The following AVEN variants were observed in gnomAD, a reference collection of about 807,000 sequenced individuals.
The protein encoded by AVEN is apoptosis and caspase activation inhibitor.
A neutral mutation model predicts 38.1 loss-of-function variants in AVEN; 41 were observed. That is an observed-to-expected ratio of 1.08 (90% CI 0.84 to 1.40). The LOEUF (loss-of-function observed/expected upper bound fraction) is 1.40. Ranked by LOEUF, AVEN falls within the 40% of genes most tolerant of loss-of-function variation. The probability of loss-of-function intolerance (pLI) is 0.00; values close to 1 mark genes in which losing one functional copy is unlikely to be tolerated. For synonymous variants in AVEN, 206 were observed against 171.8 expected, an observed-to-expected ratio of 1.20 and a Z score of -1.56; for missense variants, 605 against 438.8, an observed-to-expected ratio of 1.38 and a Z score of -3.38.
chr15:33,865,758 G>A (rs1890305967), downstream of AVEN: 1 of 153,460 alleles, frequency 6.5e-6, no homozygotes, highest in South Asian at 2.1e-4. Context: ...TGTCGACACT[G>A]AAATATCGAT....
chr15:33,889,670 T>C (rs963729258), intron 2 of AVEN, among the ~76,000 whole-genome samples: 1 of 152,236 alleles, frequency 6.6e-6, no homozygotes, highest in African/African-American at 2.4e-5. Context: ...AAAAACAGTA[T>C]TCTACAGAGC....
At chr15:33,897,648 C>T (rs1175891202) in intron 2 of AVEN, among the ~76,000 whole-genome samples, 7 of 150,762 alleles carry the variant, frequency 4.6e-5, no homozygotes, top group Non-Finnish European at 7.4e-5. Flanking sequence ...GAGGCTGAGG[C>T]AGGAGGATTG....
In AVEN at chr15:33,921,061, CT is replaced by C. The variant is rs1893378075; in HGVS notation, c.446-45067del. On this transcript the variant is annotated intron_variant, in intron 2 of 5. Transcript: ENST00000306730. ...AAAGTGCTGGGATTACTGGCGTGAG[CT>C]ACCGCACCTGGCCCTTCCTCGTGTT... Among the ~76,000 whole-genome samples, 3 of 152,218 alleles carry C rather than the reference CT, an allele frequency of 2.0e-5. No individual in the cohort carries two copies. The South Asian group carries it at 6.2e-4, about 32-fold the overall frequency.
intron 2 of AVEN, among the ~76,000 whole-genome samples, chr15:33,958,113 C>G (rs1895025042): frequency 6.6e-6 from 1 of 152,160 alleles, no homozygotes; most frequent in African/African-American, 2.4e-5. Context: ...CATAAATTGT[C>G]AAAGCTTATC....
chr15:33,997,601 C>T (rs1010945240), intron 2 of AVEN, among the ~76,000 whole-genome samples: 2 of 152,190 alleles, frequency 1.3e-5, no homozygotes, highest in African/African-American at 4.8e-5. Context: ...CTCCAACTCA[C>T]ACTTTCTCAA....
At chr15:34,053,317 A>ATATATACATATATATATAT (rs1294635851) in intron 5 of AVEN, among the ~76,000 whole-genome samples, 1 of 73,814 alleles carries the variant, frequency 1.4e-5, no homozygotes, top group African/African-American at 5.1e-5. Flanking sequence ...AAAAAAAAAA[A>ATATATACATATATATATAT]AAATATATAT....
chr15:34,063,940 C>T lies in AVEN; in HGVS notation n.1127-508G>A, dbSNP rs2140848745. 8 of 1,614,186 alleles carry T rather than the reference C, an allele frequency of 5.0e-6. No individual in the cohort carries two copies. In the African/African-American group the frequency reaches 5.3e-5, roughly 11 times the overall value. On this transcript the variant is annotated intron_variant and non_coding_transcript_variant, in intron 4 of 11. Coordinates refer to the AVEN transcript ENST00000675287. The surrounding 1 kb of genome is among the most constrained non-coding windows in gnomAD (Gnocchi z 4.1). ...GTGAAAATCATGCCCTGCCCCTTCCCAGTGGCCAAGGAACCTTCAACGAAA... is the reference window on the plus strand; with the variant it reads ...GTGAAAATCATGCCCTGCCCCTTCCTAGTGGCCAAGGAACCTTCAACGAAA...
intron 2 of AVEN, among the ~76,000 whole-genome samples, chr15:33,897,656 T>C (rs1188667039): frequency 6.6e-6 from 1 of 151,984 alleles, no homozygotes; most frequent in Non-Finnish European, 1.5e-5. Flanking sequence ...GGCAGGAGGA[T>C]TGCTTGAGGC....
At chr15:34,005,972 T>C (rs1415122096) in intron 1 of AVEN, among the ~76,000 whole-genome samples, 10 of 152,158 alleles carry the variant, frequency 6.6e-5, no homozygotes, top group African/African-American at 2.4e-4. Flanking sequence ...TAAAGAGATA[T>C]AATAGAATCT....
rs776839752 is a variant in AVEN at position 33,982,363 on chromosome 15, G to A, written c.445+20669C>T. 4.2e-4 allele frequency among the ~76,000 whole-genome samples: 64 copies of A among 151,674 alleles called. 2 individuals carry two copies. The highest frequency in any genetic ancestry group is 7.1e-4 in the Non-Finnish European group (48 of 67,962). On this transcript the variant is annotated intron_variant, in intron 2 of 5. Transcript: ENST00000306730. ...CTCTCCCATCCCAATCCAAACCCTA[G>A]TAATGACCCCAAGAATTACCAAATG... is the stretch of plus-strand genomic sequence containing the variant.
chr15:33,866,646 C>A lies in AVEN; in HGVS notation c.1056G>T (p.Glu352Asp). Residue 352 changes from glutamate to aspartate, a missense_variant, in exon 6 of 6, where the codon GAG (glutamate) becomes GAT (aspartate). Glu to Asp is a conservative substitution (Grantham distance 45). Coordinates refer to ENST00000306730, the MANE Select transcript of AVEN (RefSeq NM_020371.3). ...TCATGCTGTCCAACCAGTCTTCCAG[C>A]TCTTCCTCGGTAACATTTTTGGAGG... ...PSTSKNVTEE[E>D]LEDWLDSMIS 1 of 1,614,020 alleles carries A rather than the reference C, an allele frequency of 6.2e-7. No individual in the cohort carries two copies. Among genetic ancestry groups the A allele is most frequent in the Non-Finnish European group, 8.5e-7 (1 of 1,179,898 alleles).
rs148016052 is a variant in AVEN, at chr15:33,860,673, A to G, written n.2730-1579T>C. 1,134 of 1,549,526 alleles carry G rather than the reference A, an allele frequency of 7.3e-4. 14 individuals carry two copies. In the African/African-American group the frequency reaches 0.015, roughly 20 times the overall value. On this transcript the variant is annotated intron_variant and non_coding_transcript_variant, in intron 11 of 11. Transcript: ENST00000675287. ...GAAGATATGGAGGTAATGTTACTCT[A>G]ACTACTAATCCCAGCTCTATTTTAA...
intron 2 of AVEN, among the ~76,000 whole-genome samples, chr15:33,999,761 T>C (rs904218523): frequency 1.3e-5 from 2 of 152,162 alleles, no homozygotes; most frequent in African/African-American, 4.8e-5. Context: ...CTGCTACTAG[T>C]AGTAGCAGTG....
intron 2 of AVEN, among the ~76,000 whole-genome samples, chr15:34,001,771 A>G (rs1897147123): frequency 6.6e-6 from 1 of 152,200 alleles, no homozygotes; most frequent in African/African-American, 2.4e-5. Flanking sequence ...TGCTCGGAAA[A>G]GCACATTCTA....
chr15:33,918,220 T>A (rs949403016), intron 2 of AVEN, among the ~76,000 whole-genome samples: 2 of 152,160 alleles, frequency 1.3e-5, no homozygotes, highest in African/African-American at 4.8e-5. Context: ...GCAAGTGCTA[T>A]TGGCAGGACT....
intron 2 of AVEN, among the ~76,000 whole-genome samples, chr15:33,978,280 A>AGTAG (rs1176317595): frequency 2.0e-5 from 3 of 152,196 alleles, no homozygotes; most frequent in Non-Finnish European, 4.4e-5. Flanking sequence ...GACTACAGCA[A>AGTAG]ACCCACTGTA....
downstream of AVEN, among the ~76,000 whole-genome samples, chr15:33,857,360 CTG>C (rs1193823992): frequency 6.6e-6 from 1 of 152,066 alleles, no homozygotes; most frequent in Non-Finnish European, 1.5e-5. Flanking sequence ...GCCTCTCTCT[CTG>C]TGTCTCCAAC....
downstream of AVEN, among the ~76,000 whole-genome samples, chr15:33,863,978 A>G (rs540672590): frequency 1.3e-5 from 2 of 152,174 alleles, no homozygotes; most frequent in African/African-American, 2.4e-5. Flanking sequence ...ACTATTAGAA[A>G]ATGATGGTTT....
intron 1 of AVEN, among the ~76,000 whole-genome samples, chr15:34,037,540 A>G (rs574241327): frequency 6.7e-6 from 1 of 149,112 alleles, no homozygotes; most frequent in Non-Finnish European, 1.5e-5. Context: ...ATAATTCTAC[A>G]TTACATATAT....
Sources: gnomAD v4.1 joint callset for allele counts (sites outside exome capture counted in the v4.1 genomes callset) on GRCh38, gnomAD v4.1.1 for gene constraint, Gnocchi (gnomAD v3.1) non-coding constraint, MANE v1.5 for transcripts, NCBI Gene and HGNC (gene_info 2026-07-23, HGNC 2026-07-21) for gene names.